Variants in FN1 observed in about 807,000 individuals in gnomAD.
The protein encoded by FN1 is fibronectin 1.
Under a neutral mutation model 297.3 loss-of-function variants are expected in FN1, and 106 were observed. The ratio of observed to expected loss-of-function variants is 0.36; its 90% CI spans 0.30 to 0.42. FN1 has a LOEUF of 0.42. Among genes scored for constraint, FN1 ranks in the 10% least tolerant of loss-of-function variants. The pLI is 1.00. For synonymous variants in FN1, 1,149 were observed against 1,152.6 expected (o/e 1.00, Z 0.06); for missense variants, 2,690 against 3,124.9 (o/e 0.86, Z 3.32).
intron 33 of FN1, 137 bp downstream of exon 33, chr2:215,380,674 C>G (rs752296393): frequency 4.5e-6 from 5 of 1,117,770 alleles, no homozygotes; most frequent in Admixed American, 1.8e-5. Flanking sequence ...CTTACCATTC[C>G]TCTTTAAAGA....
At position 215,393,091 on chromosome 2, in the gene FN1, AACT is replaced by A; in HGVS notation, c.3906_3908del (p.Val1303del). 6.2e-7 allele frequency: 1 copy of A among 1,614,060 alleles called. No homozygotes were observed. The highest frequency in any genetic ancestry group is 8.5e-7 in the Non-Finnish European group (1 of 1,180,002). Reference sequence around the variant, plus strand: ...AAATAGGGATACCTTCTCCTGCCGCAACTACTGTGATGCGGTACCCAATAATGG... The same window carrying A: ...AAATAGGGATACCTTCTCCTGCCGCAACTGTGATGCGGTACCCAATAATGG... On this transcript the variant is annotated inframe_deletion, in exon 25 of 46. Coordinates refer to ENST00000354785, the MANE Select transcript of FN1 (RefSeq NM_212482.4).
At chr2:215,381,257 T>G (rs985216580) in intron 32 of FN1, 177 bp from the exon 33 acceptor site, 1 of 662,286 alleles carries the variant, frequency 1.5e-6, no homozygotes, top group East Asian at 2.7e-5. Flanking sequence ...TTAGAAAATA[T>G]GCAATGTTGC....
intron 26 of FN1, among the ~76,000 whole-genome samples, chr2:215,391,331 C>A (rs1358340576): frequency 6.6e-6 from 1 of 152,152 alleles, no homozygotes; most frequent in Non-Finnish European, 1.5e-5. Flanking sequence ...CATATAATTT[C>A]TCTTGATATT....
intron 6 of FN1, among the ~76,000 whole-genome samples, 196 bp from the exon 7 acceptor site, chr2:215,425,481 C>T (rs1195103746): frequency 6.6e-6 from 1 of 152,174 alleles, no homozygotes; most frequent in Admixed American, 6.5e-5. Context: ...CAAGTGTCTA[C>T]CAAGTGGTCT....
At chr2:215,425,339 T>A in intron 6 of FN1, 54 bp from the exon 7 acceptor site, 1 of 1,530,460 alleles carries the variant, frequency 6.5e-7, no homozygotes, top group Non-Finnish European at 9.0e-7. Flanking sequence ...GACAATTCAC[T>A]ACTTTCTGCA....
Position 215,420,816 on chromosome 2 carries a change from G to C in FN1, c.1547-15C>G. The C allele has an allele frequency of 6.2e-7, 1 of 1,613,670 alleles. No homozygotes were observed. ...AATGCACTGATCTGTTTAGGAAACA[G>C]GTGGGTGAGTGAGAAACTTTTTAAA... On this transcript the variant is annotated splice_polypyrimidine_tract_variant and intron_variant, in intron 10 of 45. Transcript: ENST00000354785.
At chr2:215,407,733 A>G (rs935209674) in intron 17 of FN1, among the ~76,000 whole-genome samples, 4 of 152,106 alleles carry the variant, frequency 2.6e-5, no homozygotes, top group Admixed American at 6.5e-5. Flanking sequence ...CAGTTGAATC[A>G]CCTAATGAGC....
chr2:215,401,291 AG>A (rs1403572297), intron 20 of FN1, among the ~76,000 whole-genome samples: 6 of 46,014 alleles, frequency 1.3e-4, no homozygotes, highest in African/African-American at 3.7e-4. Flanking sequence ...GGAAGAAAAG[AG>A]AGAGAGAGAA....
Position 215,397,164 on chromosome 2 carries a change from C to T in FN1, c.3577G>A (p.Val1193Ile). 6.2e-7 allele frequency: 1 copy of T among 1,613,878 alleles called. No homozygotes were observed. The highest frequency in any genetic ancestry group is 1.1e-5 in the South Asian group (1 of 91,068). Residue 1193 changes from valine (V) to isoleucine (I), a missense_variant, in exon 23 of 46, where the codon GTC (valine) becomes ATC (isoleucine). Coordinates refer to ENST00000354785, the MANE Select transcript of FN1 (RefSeq NM_212482.4). The part of the protein sequence containing the change: ...EANPDTGVLT[V>I]SWERSTTPDI... ...GGGGTGGTGCTCCTCTCCCAGGAGA[C>T]TGTGAGCACTCCAGTGTCAGGGTTT...
At chr2:215,426,120 G>A (rs2065302241) in intron 6 of FN1, among the ~76,000 whole-genome samples, 1 of 150,684 alleles carries the variant, frequency 6.6e-6, no homozygotes, top group Non-Finnish European at 1.5e-5. Context: ...AACACAACAG[G>A]ATGTGTTGAT....
rs1410163437 is a variant in FN1 at position 215,375,375 on chromosome 2, T to C, written c.5996A>G (p.Asn1999Ser). The C allele has an allele frequency of 6.2e-7, 1 of 1,612,968 alleles. No homozygotes were observed. Among genetic ancestry groups the C allele is most frequent in the African/African-American group, 1.3e-5 (1 of 74,786 alleles). ...DASTAIDAPS[N>S]LRFLATTPNS... ...GGGTGTGGTGGCCAGGAAACGCAGG[T>C]TGGATGGTGCATCAATGGCTGAAAG... Residue 1999 changes from asparagine (N) to serine (S), a missense_variant, in exon 38 of 46, where the codon AAC (asparagine) becomes AGC (serine). By Grantham distance (46) the Asn-to-Ser change is conservative. Transcript: ENST00000354785.
chr2:215,416,091 A>G (rs1464305534), intron 12 of FN1, among the ~76,000 whole-genome samples: 1 of 152,192 alleles, frequency 6.6e-6, no homozygotes, highest in African/African-American at 2.4e-5. Flanking sequence ...AAACTTTATT[A>G]TCTAAGCCAT....
Position 215,365,530 on chromosome 2 carries a change from T to C in FN1, c.7119A>G (p.Gly2373=). 2 of 1,614,118 alleles carry C rather than the reference T, an allele frequency of 1.2e-6. No homozygotes were observed. Among genetic ancestry groups the C allele is most frequent in the Admixed American group, 3.3e-5 (2 of 60,018 alleles). Residue 2373 remains glycine (G), a synonymous_variant, in exon 43 of 46, where the codon GGA becomes GGG. Transcript: ENST00000354785. The part of the protein sequence containing the change: ...QMMSCTCLGN[G]KGEFKCDPHE... ...GAGGGTCACACTTGAATTCTCCTTT[T>C]CCGTTCCCAAGACATGTGCAGCTCA...
chr2:215,384,056 C>A lies in FN1; in HGVS notation c.4858G>T (p.Ala1620Ser). The A allele has an allele frequency of 6.2e-7, 1 of 1,614,120 alleles. No individual in the cohort carries two copies. The highest frequency in any genetic ancestry group is 1.1e-5 in the South Asian group (1 of 91,080). Residue 1620 changes from alanine to serine, a missense_variant, in exon 30 of 46, where the codon GCA becomes TCA. Coordinates refer to ENST00000354785, the MANE Select transcript of FN1 (RefSeq NM_212482.4). ...YAVTGRGDSP[A>S]SSKPISINYR... ...TTAATGGAAATTGGCTTGCTGCTTG[C>A]GGGGCTGTCTCCACGGCCAGTGACA...
At position 215,408,210 on chromosome 2, in the gene FN1, G is replaced by C. The variant is rs2062055765; in HGVS notation, c.2429-13C>G. 3.1e-6 allele frequency: 5 copies of C among 1,613,764 alleles called. No individual in the cohort carries two copies. The South Asian group carries it at 4.4e-5, about 14-fold the overall frequency. On this transcript the variant is annotated splice_polypyrimidine_tract_variant and intron_variant, in intron 16 of 45. Transcript: ENST00000354785. Reference sequence around the variant, plus strand: ...GGGGCATCAGGCGCTAAGAAAGAAAGAAAGTGGGGCAAACAGTCAGGAAGT... The same window carrying C: ...GGGGCATCAGGCGCTAAGAAAGAAACAAAGTGGGGCAAACAGTCAGGAAGT...
At position 215,401,251 on chromosome 2, in the gene FN1, G is replaced by GAA. The variant is rs1559475860; in HGVS notation, c.3254-1902_3254-1901dup. ...GAAAGAAAGAAAGAAAGAAAGAAAG[G>GAA]AAGAAAGAAAGGAAGGAAAGGAAAG... is the stretch of plus-strand genomic sequence containing the variant. On this transcript the variant is annotated intron_variant, in intron 20 of 45. Transcript: ENST00000354785. 2.7e-4 allele frequency among the ~76,000 whole-genome samples: 22 copies of GAA among 80,238 alleles called. 1 individual carries two copies. Among genetic ancestry groups the GAA allele is most frequent in the Non-Finnish European group, 3.0e-4 (12 of 39,700 alleles). 52.6% of individuals were successfully genotyped at this position (80,238 alleles called of 152,430 possible).
chr2:215,432,440 T>A (rs2066693054), intron 3 of FN1, among the ~76,000 whole-genome samples: 1 of 152,216 alleles, frequency 6.6e-6, no homozygotes, highest in Non-Finnish European at 1.5e-5. Context: ...AGTGTGGAAA[T>A]CCTGGTAGTT....
chr2:215,420,693 C>A lies in FN1; in HGVS notation c.1655G>T (p.Arg552Met), dbSNP rs766860312. The A allele has an allele frequency of 6.2e-7, 1 of 1,614,200 alleles. No homozygotes were observed. Among genetic ancestry groups the A allele is most frequent in the African/African-American group, 1.3e-5 (1 of 75,060 alleles). ...CTCACCGACGGGATCACACTTCCAC[C>A]TGCCCCGACCCTGACCGAAGCATGT... ...NCTCFGQGRG[R>M]WKCDPVDQCQ... The change falls in exon 11 of 46, where the codon AGG (arginine) becomes ATG (methionine). Residue 552 changes from arginine (R) to methionine (M), a missense_variant. Arg to Met is a moderately conservative substitution (Grantham distance 91, BLOSUM62 -1). Around this residue, in one of 3 missense-constraint regions of FN1, gnomAD observed 876 missense variants for 1,058.1 expected, o/e 0.83. Coordinates refer to ENST00000354785, the MANE Select transcript of FN1 (RefSeq NM_212482.4).
chr2:215,422,314 G>T (rs771600796), intron 9 of FN1, 71 bp from the exon 10 acceptor site: 32 of 1,430,440 alleles, frequency 2.2e-5, no homozygotes, highest in Admixed American at 3.3e-5. Context: ...TGTGCAAAAG[G>T]ATCAGTTCAG....
Sources: allele counts gnomAD v4.1 joint callset (sites outside exome capture counted in the v4.1 genomes callset), GRCh38; gene constraint gnomAD v4.1.1; regional missense constraint gnomAD v4.1.1; transcripts MANE v1.5; gene names NCBI Gene and HGNC (gene_info 2026-07-23, HGNC 2026-07-21).